TANC2: variants seen among roughly 807,000 people sequenced by gnomAD.
TANC2 encodes the protein tetratricopeptide repeat, ankyrin repeat and coiled-coil containing 2.
A neutral mutation model predicts 210.5 loss-of-function variants in TANC2; 26 were observed. The ratio of observed to expected loss-of-function variants is 0.12; its 90% CI spans 0.09 to 0.17. The LOEUF is 0.17. Among genes scored for constraint, TANC2 ranks in the 10% least tolerant of loss-of-function variants. The pLI, the probability that TANC2 is intolerant of heterozygous loss-of-function variation, is 1.00. For synonymous variants in TANC2, 931 were observed against 967.1 expected (o/e 0.96, Z 0.69); for missense variants, 2,129 against 2,608.9 (o/e 0.82, Z 4.01).
At chr17:63,283,363 G>T (rs770992851) in intron 9 of TANC2, among the ~76,000 whole-genome samples, 6 of 151,496 alleles carry the variant, frequency 4.0e-5, no homozygotes, top group Non-Finnish European at 8.8e-5. Flanking sequence ...TATTACTGTA[G>T]CTTTATAGTA....
At chr17:63,235,811 T>C (rs2042605710) in intron 7 of TANC2, among the ~76,000 whole-genome samples, 1 of 152,040 alleles carries the variant, frequency 6.6e-6, no homozygotes, top group Non-Finnish European at 1.5e-5. Context: ...TGGGATGATA[T>C]CTTTTATTCT....
intron 3 of TANC2, chr17:63,089,314 C>G (rs1413437393): frequency 6.6e-6 from 1 of 152,202 alleles, no homozygotes; most frequent in African/African-American, 2.4e-5. Flanking sequence ...CTCAATCAGT[C>G]TGAGTTACGT....
chr17:63,341,299 TA>T (rs1158612365), intron 12 of TANC2, among the ~76,000 whole-genome samples: 2 of 152,352 alleles, frequency 1.3e-5, no homozygotes, highest in East Asian at 3.9e-4. Flanking sequence ...GTTACCTTTT[TA>T]AACATTGCCG....
At chr17:62,992,251 G>A (rs746134834) in intron 1 of TANC2, among the ~76,000 whole-genome samples, 30 of 152,084 alleles carry the variant, frequency 2.0e-4, no homozygotes, top group South Asian at 8.3e-4. Context: ...GATTGTATGC[G>A]CTTATCTTTC....
intron 4 of TANC2, among the ~76,000 whole-genome samples, chr17:63,121,268 G>A (rs1431952131): frequency 6.6e-6 from 1 of 152,112 alleles, no homozygotes; most frequent in African/African-American, 2.4e-5. Context: ...AAACTTTGCA[G>A]CTTAGGACAG....
At chr17:63,374,028 G>A (rs1488831895) in intron 14 of TANC2, among the ~76,000 whole-genome samples, 5 of 109,862 alleles carry the variant, frequency 4.6e-5, no homozygotes, top group Non-Finnish European at 9.0e-5. Flanking sequence ...TTCAGTTGTT[G>A]TTGGTTTTTT....
Position 63,056,298 on chromosome 17 carries a change from G to A in TANC2, c.68-17645G>A, listed in dbSNP as rs1474768381. ...ACGACTTTTATGATTAGTTTCCACT[G>A]GGGTAAGATGTAATTAAAGTTTCAG... On this transcript the variant is annotated intron_variant, in intron 2 of 27. Coordinates refer to ENST00000689528, the Ensembl canonical transcript of TANC2. Among the ~76,000 whole-genome samples, 3 of 151,594 alleles carry A rather than the reference G, an allele frequency of 2.0e-5. No homozygotes were observed. In the East Asian group the frequency reaches 5.8e-4, roughly 29 times the overall value.
intron 10 of TANC2, among the ~76,000 whole-genome samples, chr17:63,317,011 TATC>T (rs1481856857): frequency 9.9e-5 from 15 of 151,972 alleles, no homozygotes; most frequent in African/African-American, 2.6e-4. Context: ...TAATATGAGT[TATC>T]ATATTAAGCT....
chr17:63,146,528 T>C (rs1224361881), intron 4 of TANC2, among the ~76,000 whole-genome samples: 1 of 152,176 alleles, frequency 6.6e-6, no homozygotes, highest in African/African-American at 2.4e-5. Context: ...TTGGTACTTT[T>C]ATTGTTCTGC....
chr17:63,412,149 A>T lies in TANC2; in HGVS notation c.3898+19A>T, dbSNP rs1239800002. 2 of 1,613,888 alleles carry T rather than the reference A, an allele frequency of 1.2e-6. No individual in the cohort carries two copies. The highest frequency in any genetic ancestry group is 4.5e-5 in the East Asian group (2 of 44,874). ...AAGATAGGTAGGAGAAGGGAAGAGG[A>T]TGTTGGCCATCTGTGCCCAGGGGCC... On this transcript the variant is annotated intron_variant, in intron 23 of 27. Transcript: ENST00000689528. The surrounding 1 kb of genome is among the most constrained non-coding windows in gnomAD (Gnocchi z 4.2).
chr17:62,968,115 G>A (rs2031467461), intron 1 of TANC2, among the ~76,000 whole-genome samples: 1 of 152,104 alleles, frequency 6.6e-6, no homozygotes, highest in Non-Finnish European at 1.5e-5. Flanking sequence ...TGTTTCGAGA[G>A]GATTGTCAGA....
chr17:63,034,086 A>G (rs1338509583), intron 2 of TANC2, among the ~76,000 whole-genome samples: 4 of 152,270 alleles, frequency 2.6e-5, no homozygotes, highest in Non-Finnish European at 4.4e-5. Flanking sequence ...CAGATTTTCA[A>G]TGTAGATGAA....
chr17:63,319,496 G>A (rs2045426397), intron 11 of TANC2, among the ~76,000 whole-genome samples: 1 of 152,144 alleles, frequency 6.6e-6, no homozygotes, highest in Admixed American at 6.5e-5. Flanking sequence ...GACTACAGGT[G>A]CGTGCCACCA....
At chr17:63,241,455 G>A (rs932254318) in intron 8 of TANC2, among the ~76,000 whole-genome samples, 1 of 152,072 alleles carries the variant, frequency 6.6e-6, no homozygotes, top group African/African-American at 2.4e-5. Context: ...GCAAACCAGG[G>A]CCCATGGGCC....
At chr17:63,351,509 C>T (rs1408069691) in intron 13 of TANC2, 93 bp downstream of exon 13, 3 of 1,037,268 alleles carry the variant, frequency 2.9e-6, no homozygotes, top group Non-Finnish European at 4.0e-6. Context: ...TAAACTTCTA[C>T]TATGTCCTAG....
intron 4 of TANC2, among the ~76,000 whole-genome samples, chr17:63,104,347 T>C (rs1344086514): frequency 6.6e-6 from 1 of 152,180 alleles, no homozygotes; most frequent in Admixed American, 6.5e-5. Context: ...CATTCAACTC[T>C]TACGGAATTT....
chr17:63,207,738 C>A (rs750629307), intron 7 of TANC2, among the ~76,000 whole-genome samples: 1 of 152,056 alleles, frequency 6.6e-6, no homozygotes, highest in East Asian at 1.9e-4. Flanking sequence ...ATGTATGATT[C>A]GGAATGTTAG....
chr17:63,002,195 ATAAT>A (rs1429514326), intron 1 of TANC2, among the ~76,000 whole-genome samples: 1 of 152,168 alleles, frequency 6.6e-6, no homozygotes, highest in Non-Finnish European at 1.5e-5. Flanking sequence ...TCAATGATTA[ATAAT>A]TAGTCATTGA....
chr17:63,375,585 A>G (rs1180766768), intron 14 of TANC2, among the ~76,000 whole-genome samples: 1 of 152,248 alleles, frequency 6.6e-6, no homozygotes, highest in East Asian at 1.9e-4. Flanking sequence ...TTCTAGTCAC[A>G]GTGGAACAGC....
Sources: allele counts gnomAD v4.1 joint callset (sites outside exome capture counted in the v4.1 genomes callset), GRCh38; gene constraint gnomAD v4.1.1; non-coding constraint Gnocchi (gnomAD v3.1); transcripts MANE v1.5; gene names NCBI Gene and HGNC (gene_info 2026-07-23, HGNC 2026-07-21).